PIWIL3: variants seen among roughly 807,000 people sequenced by gnomAD.
PIWIL3 encodes the protein piwi like RNA-mediated gene silencing 3, also known as piwi-like protein 3.
PIWIL3 carries 101 observed loss-of-function variants against 109.7 expected under a neutral mutation model. The observed-to-expected ratio is 0.92, with a 90% CI of 0.78 to 1.09. PIWIL3 has a LOEUF of 1.09. PIWIL3 is among the 50% of genes least tolerant of loss of function. The probability of loss-of-function intolerance (pLI) is 0.00; values close to 1 mark genes in which losing one functional copy is unlikely to be tolerated. For synonymous variants in PIWIL3, 373 were observed against 376.4 expected (o/e 0.99, Z 0.10); for missense variants, 1,031 against 1,072.6 (o/e 0.96, Z 0.54).
Position 24,723,140 on chromosome 22 carries a change from T to C in PIWIL3, c.2347A>G (p.Arg783Gly). ...PGTVIDVELT[R>G]NEWYDFFIVS... ...ATACAGGTGGCTTACCATTCATTCC[T>C]AGTCAACTCTACATCAATAACTGTT... The change falls in exon 19 of 21, where the codon AGG becomes GGG. Residue 783 changes from arginine (R) to glycine (G), a missense_variant. Physicochemically the swap from Arg to Gly is moderately radical, Grantham distance 125. Transcript: ENST00000616349. 1 of 1,613,510 alleles carries C rather than the reference T, an allele frequency of 6.2e-7. No homozygotes were observed. The highest frequency in any genetic ancestry group is 8.5e-7 in the Non-Finnish European group (1 of 1,179,546).
rs1259406073 is a variant in PIWIL3 at position 24,749,041 on chromosome 22, C to G, written c.1335-20G>C. 1 of 1,559,086 alleles carries G rather than the reference C, an allele frequency of 6.4e-7. No homozygotes were observed. The highest frequency in any genetic ancestry group is 2.2e-5 in the East Asian group (1 of 44,570). On this transcript the variant is annotated intron_variant, in intron 11 of 20. Transcript: ENST00000616349. The stretch of plus-strand genomic sequence containing the variant: ...TTATTACTGAAAATTAAAATATTGC[C>G]AACATGATCAAACCAAATAAGTAAA...
At chr22:24,764,077 A>G (rs1925631628) in intron 1 of PIWIL3, among the ~76,000 whole-genome samples, 2 of 152,102 alleles carry the variant, frequency 1.3e-5, no homozygotes, top group South Asian at 4.1e-4. Context: ...GGGGAAATAC[A>G]CGGACCAGCC....
chr22:24,756,618 T>G lies in PIWIL3; in HGVS notation c.443A>C (p.Asp148Ala), dbSNP rs753949717. 2 of 1,614,076 alleles carry G rather than the reference T, an allele frequency of 1.2e-6. No individual in the cohort carries two copies. Among genetic ancestry groups the G allele is most frequent in the Non-Finnish European group, 1.7e-6 (2 of 1,179,940 alleles). Residue 148 changes from aspartate to alanine, a missense_variant, in exon 5 of 21, where the codon GAC (aspartate) becomes GCC (alanine). By Grantham distance (126) the Asp-to-Ala change is moderately radical. Transcript: ENST00000616349. ...TCCATCTTCTATGTCTGGTTTGTAG[T>G]CAACGTTGTATTTATATGCAACCCA... ...PQWVAYKYNVDYKPDIEDGNL... is the reference protein window; with the variant it reads ...PQWVAYKYNVAYKPDIEDGNL...
chr22:24,745,717 GAAAAAAAAAA>G (rs71189273), intron 12 of PIWIL3, among the ~76,000 whole-genome samples: 2 of 80,252 alleles, frequency 2.5e-5, no homozygotes, highest in African/African-American at 4.7e-5. Flanking sequence ...GTCAGACTAA[GAAAAAAAAAA>G]AAAAAAAAAA....
rs1924795116 is a variant in PIWIL3 at position 24,752,835 on chromosome 22, A to G, written c.977+1179T>C. The stretch of plus-strand genomic sequence containing the variant: ...CTGATCTTTCCACATCCTTGCCAAC[A>G]CTTGTCAATATCTAATTTTAACCAT... On this transcript the variant is annotated intron_variant, in intron 8 of 20. Coordinates refer to ENST00000616349, the MANE Select transcript of PIWIL3 (RefSeq NM_001255975.1). Among the ~76,000 whole-genome samples, 3 of 152,148 alleles carry G rather than the reference A, an allele frequency of 2.0e-5. No individual in the cohort carries two copies. In the South Asian group the frequency reaches 6.2e-4, roughly 32 times the overall value.
intron 14 of PIWIL3, among the ~76,000 whole-genome samples, chr22:24,728,951 T>C (rs1923162480): frequency 1.3e-5 from 2 of 152,138 alleles, no homozygotes; most frequent in Admixed American, 1.3e-4. Context: ...CTAAAATTCT[T>C]TTAAACAGCC....
rs532817066 is a variant in PIWIL3 at position 24,743,370 on chromosome 22, T to A, written c.1449+5537A>T. ...TATCTGCCCAGAGGAAAAGTCATTA[T>A]ATGAAAAAGATACTTGCACATGCAA... On this transcript the variant is annotated intron_variant, in intron 12 of 20. Transcript: ENST00000616349. Among the ~76,000 whole-genome samples, 5 of 152,326 alleles carry A rather than the reference T, an allele frequency of 3.3e-5. No homozygotes were observed. The East Asian group carries it at 9.6e-4, about 29-fold the overall frequency.
intron 8 of PIWIL3, 147 bp from the exon 9 acceptor site, chr22:24,751,645 C>T (rs980827747): frequency 1.5e-5 from 20 of 1,336,122 alleles, no homozygotes; most frequent in Non-Finnish European, 1.7e-5. Context: ...ACAACTCACC[C>T]ATCTGAGCAT....
At chr22:24,763,946 G>T (rs1189619914) in intron 1 of PIWIL3, among the ~76,000 whole-genome samples, 1 of 152,160 alleles carries the variant, frequency 6.6e-6, no homozygotes, top group African/African-American at 2.4e-5. Flanking sequence ...TCCCAACACC[G>T]CAGCGTCCCG....
intron 13 of PIWIL3, 110 bp downstream of exon 13, chr22:24,735,598 A>T: frequency 9.1e-7 from 1 of 1,094,082 alleles, no homozygotes; most frequent in South Asian, 1.9e-5. Context: ...AGACTTTACA[A>T]ACTCTAAGGT....
At chr22:24,755,640 A>T (rs1454442613) in intron 6 of PIWIL3, 144 bp downstream of exon 6, 1 of 1,073,590 alleles carries the variant, frequency 9.3e-7, no homozygotes, top group East Asian at 2.5e-5. Flanking sequence ...CTCAAGTATC[A>T]TTTCATCTCC....
intron 13 of PIWIL3, among the ~76,000 whole-genome samples, chr22:24,734,375 G>C (rs746026733): frequency 2.0e-5 from 3 of 152,180 alleles, no homozygotes; most frequent in Non-Finnish European, 4.4e-5. Context: ...CAAGTCAAAA[G>C]CTAAACAGAC....
In PIWIL3 at chr22:24,757,665, C is replaced by T. The variant is rs1219732592; in HGVS notation, c.355+243G>A. Among the ~76,000 whole-genome samples the T allele has an allele frequency of 3.2e-3, 219 of 68,226 alleles. 1 individual carries two copies. Among genetic ancestry groups the T allele is most frequent in the Non-Finnish European group, 4.2e-3 (145 of 34,236 alleles). The allele number at this position is 68,226 out of a possible 152,430, so 44.8% of individuals were successfully genotyped here. A position where few individuals can be genotyped will look rare whatever the true frequency, so the allele number is the denominator to read the frequency against. On this transcript the variant is annotated intron_variant, in intron 4 of 20. Transcript: ENST00000616349. ...ATATAAAATATGTATATATTACACA[C>T]ACACACACACACACACACACACACA...
At chr22:24,771,460 G>A (rs555077222) in intron 1 of PIWIL3, among the ~76,000 whole-genome samples, 297 of 141,774 alleles carry the variant, frequency 2.1e-3, no homozygotes, top group Non-Finnish European at 3.2e-3. Context: ...CTGGGCGACA[G>A]TGCAAGACTC....
chr22:24,737,388 T>A (rs5751965), intron 12 of PIWIL3, among the ~76,000 whole-genome samples: 99,748 of 151,816 alleles, frequency 0.66, 33,337 homozygotes, highest in East Asian at 0.83. Context: ...CCCAGGCAGG[T>A]TTCATCACCT....
chr22:24,749,104 T>C, intron 11 of PIWIL3, 83 bp from the exon 12 acceptor site: 2 of 1,112,366 alleles, frequency 1.8e-6, no homozygotes, highest in South Asian at 2.9e-5. Flanking sequence ...TTCCTTCTAT[T>C]CCAAGGTTCA....
At chr22:24,742,424 A>G (rs1924063582) in intron 12 of PIWIL3, among the ~76,000 whole-genome samples, 1 of 152,186 alleles carries the variant, frequency 6.6e-6, no homozygotes, top group South Asian at 2.1e-4. Context: ...ATATGGAACC[A>G]AAAAAGAGCC....
At chr22:24,756,728 A>C (rs778391946) in intron 4 of PIWIL3, 23 bp from the exon 5 acceptor site, 11 of 1,583,474 alleles carry the variant, frequency 6.9e-6, no homozygotes, top group Non-Finnish European at 8.7e-6. Context: ...GCCACATGAC[A>C]ATAAAGAAAC....
chr22:24,736,901 A>T (rs1476370857), intron 12 of PIWIL3, among the ~76,000 whole-genome samples: 1 of 152,200 alleles, frequency 6.6e-6, no homozygotes, highest in Non-Finnish European at 1.5e-5. Context: ...GCCAAAGGGG[A>T]ATTTCCCAGC....
Sources: gnomAD v4.1 joint callset for allele counts (sites outside exome capture counted in the v4.1 genomes callset) on GRCh38, gnomAD v4.1.1 for gene constraint, MANE v1.5 for transcripts, NCBI Gene and HGNC (gene_info 2026-07-23, HGNC 2026-07-21) for gene names.